Variants in CCSER2 observed in about 807,000 individuals in gnomAD.
CCSER2 encodes coiled-coil serine rich protein 2.
A neutral mutation model predicts 92.3 loss-of-function variants in CCSER2; 46 were observed. That is an observed-to-expected ratio of 0.50 (90% CI 0.39 to 0.64). The LOEUF is 0.64. CCSER2 is among the 30% of genes least tolerant of loss of function. The pLI is 0.00. For synonymous variants in CCSER2, 433 were observed against 431.4 expected, an observed-to-expected ratio of 1.00 and a Z score of -0.04; for missense variants, 1,244 against 1,238.9, an observed-to-expected ratio of 1.00 and a Z score of -0.06.
intron 5 of CCSER2, among the ~76,000 whole-genome samples, 173 bp downstream of exon 5, chr10:84,426,066 T>G (rs1309645637): frequency 2.0e-5 from 3 of 152,210 alleles, no homozygotes; most frequent in African/African-American, 7.2e-5. Context: ...TAATTTGTTC[T>G]TTTTGGCCCA....
chr10:84,332,436 A>ATATATATTTT lies in CCSER2; in HGVS notation c.-40+3629_-40+3630insATATATTTTT, dbSNP rs1401635246. On this transcript the variant is annotated intron_variant, in intron 1 of 9. Transcript: ENST00000372088. The stretch of plus-strand genomic sequence containing the variant: ...TTTATATATATATATATATATATAT[A>ATATATATTTT]TTTTTTTTTTTTTTTTTTTTTGAGA... 1.8e-3 allele frequency among the ~76,000 whole-genome samples: 102 copies of ATATATATTTT among 55,196 alleles called. 1 individual carries two copies. Among genetic ancestry groups the ATATATATTTT allele is most frequent in the African/African-American group, 0.01 (89 of 8,684 alleles). 36.2% of individuals were successfully genotyped at this position (55,196 alleles called of 152,430 possible).
chr10:84,425,008 C>A, intron 4 of CCSER2: 1 of 984,426 alleles, frequency 1.0e-6, no homozygotes, highest in East Asian at 1.1e-4. Context: ...CAAAGTAACT[C>A]TCTTAGTGAG....
chr10:84,490,613 A>G (rs945143915), intron 9 of CCSER2, among the ~76,000 whole-genome samples: 1 of 152,128 alleles, frequency 6.6e-6, no homozygotes, highest in Non-Finnish European at 1.5e-5. Context: ...GGACTTCTCT[A>G]CACTGGTTCT....
chr10:84,353,446 A>G (rs1042365402), intron 1 of CCSER2, among the ~76,000 whole-genome samples: 7 of 152,172 alleles, frequency 4.6e-5, no homozygotes, highest in Non-Finnish European at 7.4e-5. Flanking sequence ...TATGTTGTAG[A>G]TATTTTCATT....
chr10:84,484,489 A>ATGTGTGTG (rs201586953), intron 9 of CCSER2, among the ~76,000 whole-genome samples: 46 of 116,840 alleles, frequency 3.9e-4, no homozygotes, highest in Admixed American at 1.8e-3. Flanking sequence ...GTGTGCATGC[A>ATGTGTGTG]CGTGTGTGTG....
chr10:84,410,819 A>G (rs566616526), intron 3 of CCSER2, among the ~76,000 whole-genome samples: 18 of 152,316 alleles, frequency 1.2e-4, no homozygotes, highest in African/African-American at 3.6e-4. Context: ...CATTCTCATC[A>G]TGAAGTATTT....
At chr10:84,352,725 A>G (rs1700506670) in intron 1 of CCSER2, among the ~76,000 whole-genome samples, 1 of 151,710 alleles carries the variant, frequency 6.6e-6, no homozygotes, top group African/African-American at 2.4e-5. Context: ...CTATTTCTTC[A>G]TCTGTGAAAT....
At chr10:84,450,960 T>G (rs1845245994) in intron 6 of CCSER2, among the ~76,000 whole-genome samples, 1 of 152,214 alleles carries the variant, frequency 6.6e-6, no homozygotes, top group African/African-American at 2.4e-5. Context: ...ATGGTGTGTA[T>G]CTACAGTTTT....
In CCSER2 at chr10:84,438,547, T is replaced by G; in HGVS notation, c.1904T>G (p.Phe635Cys). 1 of 1,612,794 alleles carries G rather than the reference T, an allele frequency of 6.2e-7. No individual in the cohort carries two copies. The highest frequency in any genetic ancestry group is 8.5e-7 in the Non-Finnish European group (1 of 1,179,374). The change falls in exon 6 of 10, where the codon TTT (phenylalanine) becomes TGT (cysteine). Residue 635 changes from phenylalanine to cysteine, a missense_variant. Phe to Cys is a radical substitution (Grantham distance 205). Transcript: ENST00000372088. ...SPYRESPLGHFESYGGMPFFQ... is the reference protein window; with the variant it reads ...SPYRESPLGHCESYGGMPFFQ... The stretch of plus-strand genomic sequence containing the variant: ...TATAGAGAATCTCCTTTGGGTCATT[T>G]TGAAAGCTATGGAGGGATGCCCTTT...
chr10:84,513,918 T>C lies in CCSER2; in HGVS notation c.2795T>C (p.Val932Ala). The stretch of plus-strand genomic sequence containing the variant: ...AAGCCATCCATATTGAGTTCTTTGG[T>C]ACCGCCTCCAGTTTCTGAATCATCT... ...LLKPSILSSL[V>A]PPPVSESSPS... The change falls in exon 10 of 10, where the codon GTA becomes GCA. Residue 932 changes from valine (V) to alanine (A), a missense_variant. Transcript: ENST00000372088. 6.5e-7 allele frequency: 1 copy of C among 1,536,618 alleles called. No individual in the cohort carries two copies. The highest frequency in any genetic ancestry group is 1.2e-5 in the South Asian group (1 of 84,062).
intron 3 of CCSER2, chr10:84,392,048 A>G (rs1429302990): frequency 8.6e-7 from 1 of 1,163,500 alleles, no homozygotes; most frequent in East Asian, 2.4e-5. Context: ...TATGGTGTTT[A>G]ATACACTTAA....
At chr10:84,502,963 G>T (rs971702857) in intron 9 of CCSER2, among the ~76,000 whole-genome samples, 1 of 151,960 alleles carries the variant, frequency 6.6e-6, no homozygotes, top group Non-Finnish European at 1.5e-5. Flanking sequence ...GGTGGCTCAC[G>T]CCTGTAATCC....
At chr10:84,428,572 T>C (rs1843570930) in intron 5 of CCSER2, among the ~76,000 whole-genome samples, 1 of 152,178 alleles carries the variant, frequency 6.6e-6, no homozygotes, top group African/African-American at 2.4e-5. Context: ...AGTTTTTACC[T>C]TTTCCTTTCC....
intron 1 of CCSER2, among the ~76,000 whole-genome samples, chr10:84,337,365 T>C (rs1843895878): frequency 6.6e-6 from 1 of 152,182 alleles, no homozygotes; most frequent in Non-Finnish European, 1.5e-5. Flanking sequence ...AGTGAAATGT[T>C]GTAAGAAGGA....
chr10:84,359,268 CT>C (rs1271717618), intron 1 of CCSER2, among the ~76,000 whole-genome samples: 2 of 152,144 alleles, frequency 1.3e-5, no homozygotes, highest in African/African-American at 2.4e-5. Context: ...TTATCTCCCC[CT>C]GGTGCACCTG....
At chr10:84,499,888 C>T in intron 9 of CCSER2, 1 of 1,613,958 alleles carries the variant, frequency 6.2e-7, no homozygotes, top group Non-Finnish European at 8.5e-7. Context: ...GGGTATTCTG[C>T]TCCCTCCTTC....
chr10:84,347,781 C>T (rs943551135), intron 1 of CCSER2, among the ~76,000 whole-genome samples: 13 of 149,044 alleles, frequency 8.7e-5, no homozygotes, highest in African/African-American at 2.2e-4. Context: ...TCAGACGGGG[C>T]GGCTGGACAG....
chr10:84,339,863 C>T (rs965739992), intron 1 of CCSER2, among the ~76,000 whole-genome samples: 2 of 151,662 alleles, frequency 1.3e-5, no homozygotes, highest in East Asian at 1.9e-4. Context: ...TTTTTTGAGA[C>T]GGAGTTTCAC....
intron 9 of CCSER2, among the ~76,000 whole-genome samples, chr10:84,483,997 A>ATATATATATATATAT (rs1289207905): frequency 2.6e-4 from 20 of 75,500 alleles, no homozygotes; most frequent in Non-Finnish European, 4.4e-4. Context: ...ATATATATAT[A>ATATATATATATATAT]ATTTTTTTTT....
Sources: gnomAD v4.1 joint callset for allele counts (sites outside exome capture counted in the v4.1 genomes callset) on GRCh38, gnomAD v4.1.1 for gene constraint, MANE v1.5 for transcripts, NCBI Gene and HGNC (gene_info 2026-07-23, HGNC 2026-07-21) for gene names.